The following GLRX3 variants were observed in gnomAD, a reference collection of about 807,000 sequenced individuals.
GLRX3 encodes the protein glutaredoxin-3.
In GLRX3, 22 loss-of-function variants were observed where a neutral mutation model predicts 49.5. The observed-to-expected ratio is 0.44, with a 90% confidence interval of 0.32 to 0.63. The LOEUF (loss-of-function observed/expected upper bound fraction) is 0.63. GLRX3 is among the 30% of genes least tolerant of loss of function. GLRX3 has a pLI of 0.05. For synonymous variants in GLRX3, 133 were observed against 140.0 expected, an observed-to-expected ratio of 0.95 and a Z score of 0.35; for missense variants, 385 against 396.3, an observed-to-expected ratio of 0.97 and a Z score of 0.24.
Position 130,136,518 on chromosome 10 carries a change from C to T in GLRX3, c.92+6C>T, listed in dbSNP as rs1419637370. 4 of 1,261,912 alleles carry T rather than the reference C, an allele frequency of 3.2e-6. No individual in the cohort carries two copies. The highest frequency in any genetic ancestry group is 3.0e-6 in the Non-Finnish European group (3 of 996,426). The allele number at this position is 1,261,912 out of a possible 1,614,324, so 78.2% of individuals were successfully genotyped here. On this transcript the variant is annotated splice_donor_region_variant and intron_variant, in intron 1 of 10. Transcript: ENST00000331244. ...CTGCTGCGCCTCAAAGCCAAGTAAG[C>T]GGGGCGGCGAGCGGTAGGAGTGAGG...
intron 1 of GLRX3, among the ~76,000 whole-genome samples, chr10:130,138,118 G>A (rs1171515882): frequency 1.3e-5 from 2 of 151,962 alleles, no homozygotes; most frequent in East Asian, 1.9e-4. Flanking sequence ...GTGCAGTGGC[G>A]TGATCTCGGC....
At chr10:130,166,468 G>C in intron 4 of GLRX3, 39 bp from the exon 5 acceptor site, 1 of 1,509,080 alleles carries the variant, frequency 6.6e-7, no homozygotes, top group Non-Finnish European at 9.2e-7. Flanking sequence ...TGTTTTGGGA[G>C]AGAGAAGTTA....
chr10:130,174,504 TTGTC>T (rs1862876322), intron 8 of GLRX3, among the ~76,000 whole-genome samples: 1 of 152,252 alleles, frequency 6.6e-6, no homozygotes, highest in Non-Finnish European at 1.5e-5. Flanking sequence ...CATTTATACA[TTGTC>T]TGTGGCTGCT....
intron 1 of GLRX3, among the ~76,000 whole-genome samples, chr10:130,140,532 T>G (rs899995163): frequency 6.6e-6 from 1 of 152,194 alleles, no homozygotes; most frequent in African/African-American, 2.4e-5. Context: ...TTTTCAAATG[T>G]TTTATATTTT....
intron 2 of GLRX3, chr10:130,159,632 G>A: frequency 5.2e-6 from 1 of 191,368 alleles, no homozygotes; most frequent in East Asian, 1.4e-4. Flanking sequence ...CAGAAAATAA[G>A]CACTGTAATC....
chr10:130,143,791 G>T (rs1001107115), intron 1 of GLRX3, among the ~76,000 whole-genome samples: 5 of 151,574 alleles, frequency 3.3e-5, no homozygotes, highest in African/African-American at 1.2e-4. Flanking sequence ...TCTGCCTTCT[G>T]GGTTCAAACA....
chr10:130,178,115 T>G (rs187092047), intron 10 of GLRX3, among the ~76,000 whole-genome samples: 105 of 152,312 alleles, frequency 6.9e-4, no homozygotes, highest in Admixed American at 5.0e-3. Flanking sequence ...ACTGGTACTC[T>G]AGCTTTTCCT....
chr10:130,167,318 C>A (rs1045266786), intron 6 of GLRX3, among the ~76,000 whole-genome samples: 1 of 152,302 alleles, frequency 6.6e-6, no homozygotes, highest in East Asian at 1.9e-4. Flanking sequence ...TCAGCACACT[C>A]GTGTTTTACT....
intron 2 of GLRX3, among the ~76,000 whole-genome samples, chr10:130,152,993 T>G (rs374474856): frequency 8.9e-4 from 136 of 152,332 alleles, no homozygotes; most frequent in Middle Eastern, 3.4e-3. Flanking sequence ...GGAGGCTTTG[T>G]TCGTTTCTTT....
intron 4 of GLRX3, among the ~76,000 whole-genome samples, chr10:130,165,554 A>G (rs1862665365): frequency 6.6e-6 from 1 of 152,220 alleles, no homozygotes; most frequent in Non-Finnish European, 1.5e-5. Flanking sequence ...AAGTTATGAC[A>G]TGAGATGAGA....
intron 4 of GLRX3, among the ~76,000 whole-genome samples, chr10:130,161,750 C>T: frequency 6.6e-6 from 1 of 152,100 alleles, no homozygotes; most frequent in East Asian, 1.9e-4. Flanking sequence ...TTTGATGATG[C>T]TGTTGAGACT....
At chr10:130,157,493 G>GCCCC (rs1161867057) in intron 2 of GLRX3, among the ~76,000 whole-genome samples, 6 of 5,980 alleles carry the variant, frequency 1.0e-3, no homozygotes, top group South Asian at 0.014. Context: ...GGTGGCCGCC[G>GCCCC]CCCCCCCCCC....
chr10:130,138,771 T>C (rs575131310), intron 1 of GLRX3, among the ~76,000 whole-genome samples: 30 of 152,280 alleles, frequency 2.0e-4, no homozygotes, highest in Middle Eastern at 3.4e-3. Flanking sequence ...TGAAAGGCTG[T>C]TTTGTCTGTT....
At chr10:130,153,296 CT>C (rs2134889426) in intron 2 of GLRX3, among the ~76,000 whole-genome samples, 1 of 152,330 alleles carries the variant, frequency 6.6e-6, no homozygotes, top group South Asian at 2.1e-4. Flanking sequence ...AATCCTGCTT[CT>C]GTCAACTTGT....
At chr10:130,137,249 A>G (rs553746221) in intron 1 of GLRX3, among the ~76,000 whole-genome samples, 105 of 152,316 alleles carry the variant, frequency 6.9e-4, no homozygotes, top group Non-Finnish European at 1.1e-3. Flanking sequence ...AAGACTACAA[A>G]AGGAGATCCA....
chr10:130,161,784 A>G (rs1279684353), intron 4 of GLRX3, among the ~76,000 whole-genome samples: 1 of 152,204 alleles, frequency 6.6e-6, no homozygotes, highest in African/African-American at 2.4e-5. Context: ...TATCAACTAC[A>G]CAGGAGGGAC....
intron 8 of GLRX3, 119 bp from the exon 9 acceptor site, chr10:130,174,748 A>G (rs938890645): frequency 1.4e-6 from 1 of 703,856 alleles, no homozygotes; most frequent in African/African-American, 1.8e-5. Context: ...ATTGGTCTGT[A>G]GTACATTTTG....
In GLRX3 at chr10:130,172,771, G is replaced by A. The variant is rs887549576; in HGVS notation, c.824+1135G>A. Among the ~76,000 whole-genome samples, 165 of 152,176 alleles carry A rather than the reference G, an allele frequency of 1.1e-3. 1 individual carries two copies. The highest frequency in any genetic ancestry group is 3.8e-3 in the African/African-American group (156 of 41,546). The stretch of plus-strand genomic sequence containing the variant: ...AGCTTGGCGAACATGGTGAAACCCC[G>A]CCTCTACTAAAAATACAAAAATTAG... On this transcript the variant is annotated intron_variant, in intron 8 of 10. Transcript: ENST00000331244.
At chr10:130,140,865 T>C (rs1165588668) in intron 1 of GLRX3, among the ~76,000 whole-genome samples, 1 of 152,244 alleles carries the variant, frequency 6.6e-6, no homozygotes, top group Non-Finnish European at 1.5e-5. Flanking sequence ...TTTTCTGATT[T>C]GCTACGTAAA....
Sources: gnomAD v4.1 joint callset for allele counts (sites outside exome capture counted in the v4.1 genomes callset) on GRCh38, gnomAD v4.1.1 for gene constraint, MANE v1.5 for transcripts, NCBI Gene and HGNC (gene_info 2026-07-23, HGNC 2026-07-21) for gene names.